GREB1: variants seen among roughly 807,000 people sequenced by gnomAD.
The protein encoded by GREB1 is growth regulating estrogen receptor binding 1, also known as protein GREB1.
GREB1 carries 106 observed loss-of-function variants against 200.7 expected under a neutral mutation model. The observed-to-expected ratio is 0.53, with a 90% CI of 0.45 to 0.62. The LOEUF is 0.62. Ranked by LOEUF, GREB1 falls within the 20% of genes least tolerant of loss-of-function variation. GREB1 has a pLI of 0.00. For missense variants in GREB1, 2,243 were observed against 2,556.8 expected, an observed-to-expected ratio of 0.88 and a Z score of 2.65; for synonymous variants, 1,132 against 1,092.4, an observed-to-expected ratio of 1.04 and a Z score of -0.72.
chr2:11,530,358 G>A (rs115177705), upstream of GREB1, among the ~76,000 whole-genome samples: 1,781 of 151,650 alleles, frequency 0.012, 19 homozygotes, highest in Middle Eastern at 0.027. Flanking sequence ...CAGTGCGCCC[G>A]GCCCTAGGTG....
chr2:11,592,714 C>T lies in GREB1; in HGVS notation c.1346-62C>T, dbSNP rs144263564. On this transcript the variant is annotated intron_variant, in intron 10 of 32. Coordinates refer to ENST00000381486, the MANE Select transcript of GREB1 (RefSeq NM_014668.4). ...AGGTGGGTACTTTCACATCACTGCACCCGTGCGTCCCCGGATGCCGCTGGC... is the reference window on the plus strand; with the variant it reads ...AGGTGGGTACTTTCACATCACTGCATCCGTGCGTCCCCGGATGCCGCTGGC... The T allele has an allele frequency of 2.0e-3, 2,218 of 1,106,584 alleles. 30 individuals carry two copies. The African/African-American group carries it at 0.032, about 16-fold the overall frequency. The allele number at this position is 1,106,584 out of a possible 1,614,324, so 68.5% of individuals were successfully genotyped here. A position where few individuals can be genotyped will look rare whatever the true frequency, so the allele number is the denominator to read the frequency against.
At chr2:11,564,380 G>T in intron 3 of GREB1, among the ~76,000 whole-genome samples, 1 of 152,222 alleles carries the variant, frequency 6.6e-6, no homozygotes, top group African/African-American at 2.4e-5. Context: ...GAATTAAATG[G>T]TAAGAGGTGA....
At chr2:11,605,490 T>G (rs994431596) in intron 17 of GREB1, among the ~76,000 whole-genome samples, 1 of 152,076 alleles carries the variant, frequency 6.6e-6, no homozygotes, top group African/African-American at 2.4e-5. Context: ...TCCCAAAGTG[T>G]TGGGATTACA....
At chr2:11,586,995 G>T (rs1410431752) in intron 9 of GREB1, among the ~76,000 whole-genome samples, 10 of 152,182 alleles carry the variant, frequency 6.6e-5, no homozygotes, top group Admixed American at 6.5e-5. Flanking sequence ...AGGGTGCAGG[G>T]CTTGGAGGTG....
chr2:11,634,001 G>T (rs980841153), intron 28 of GREB1, 130 bp from the exon 29 acceptor site: 11 of 822,272 alleles, frequency 1.3e-5, no homozygotes, highest in Middle Eastern at 3.0e-4. Context: ...GCCCTGGGGG[G>T]ACTGTGCGGG....
At chr2:11,631,099 TCCACCA>T (rs1174650920) in intron 26 of GREB1, among the ~76,000 whole-genome samples, 1 of 152,178 alleles carries the variant, frequency 6.6e-6, no homozygotes, top group East Asian at 1.9e-4. Context: ...CTGGGGTTTC[TCCACCA>T]CTCCACTCAC....
intron 23 of GREB1, among the ~76,000 whole-genome samples, chr2:11,621,402 A>G (rs1385443612): frequency 6.6e-6 from 1 of 152,214 alleles, no homozygotes; most frequent in Non-Finnish European, 1.5e-5. Flanking sequence ...GCCTCTGCAA[A>G]GCAGACTTAC....
At chr2:11,500,204 C>G (rs1288975603) in intron 1 of GREB1, among the ~76,000 whole-genome samples, 1 of 152,218 alleles carries the variant, frequency 6.6e-6, no homozygotes, top group African/African-American at 2.4e-5. Flanking sequence ...CGCTGTTGCC[C>G]AGGCTGGAGT....
intron 1 of GREB1, among the ~76,000 whole-genome samples, chr2:11,552,932 C>T (rs1355909410): frequency 6.8e-6 from 1 of 146,342 alleles, no homozygotes; most frequent in Non-Finnish European, 1.5e-5. Context: ...ATGGCGTGAA[C>T]CCGGGAGGCG....
chr2:11,531,960 T>G (rs1674089013), upstream of GREB1, among the ~76,000 whole-genome samples: 1 of 152,202 alleles, frequency 6.6e-6, no homozygotes, highest in Non-Finnish European at 1.5e-5. Context: ...ACAATTAGAT[T>G]AGGTGTTAAA....
At position 11,526,178 on chromosome 2, in the gene GREB1, G is replaced by A. The variant is rs968805159; in HGVS notation, c.-158-30279G>A. Among the ~76,000 whole-genome samples the A allele has an allele frequency of 4.3e-4, 66 of 152,260 alleles. 1 individual carries two copies. Among genetic ancestry groups the A allele is most frequent in the East Asian group, 4.3e-3 (22 of 5,172 alleles). Reference sequence around the variant, plus strand: ...TGAATGGTCTTAAACATTGTCCTTCGTTCTTCTGCACTCATCTTTGCCACA... The same window carrying A: ...TGAATGGTCTTAAACATTGTCCTTCATTCTTCTGCACTCATCTTTGCCACA... On this transcript the variant is annotated intron_variant, in intron 1 of 2. Coordinates refer to the GREB1 transcript ENST00000628795.
chr2:11,500,025 A>G (rs1672986488), intron 1 of GREB1, among the ~76,000 whole-genome samples: 1 of 152,002 alleles, frequency 6.6e-6, no homozygotes, highest in African/African-American at 2.4e-5. Context: ...TCTGTCACCC[A>G]GGCTGGAATG....
At chr2:11,537,119 C>T (rs772040802) in intron 1 of GREB1, among the ~76,000 whole-genome samples, 8 of 152,216 alleles carry the variant, frequency 5.3e-5, no homozygotes, top group East Asian at 1.9e-4. Context: ...CCCGCCACCG[C>T]GCCTGGCTGA....
In GREB1 at chr2:11,625,171, G is replaced by A. The variant is rs369098339; in HGVS notation, c.4165G>A (p.Asp1389Asn). 1 of 1,613,818 alleles carries A rather than the reference G, an allele frequency of 6.2e-7. No individual in the cohort carries two copies. The highest frequency in any genetic ancestry group is 8.5e-7 in the Non-Finnish European group (1 of 1,179,726). The change falls in exon 24 of 33, where the codon GAC becomes AAC. Residue 1389 changes from aspartate to asparagine, a missense_variant. Physicochemically the swap from Asp to Asn is conservative, Grantham distance 23 (BLOSUM62 1). Transcript: ENST00000381486. ...EININLREES[D>N]WHYLQLSDPW... ...TCTTGTAGACCTCAGAGAAGAATCT[G>A]ACTGGCATTATCTCCAGCTTAGCGA...
At chr2:11,585,715 T>C in intron 8 of GREB1, 47 bp from the exon 9 acceptor site, 1 of 1,607,902 alleles carries the variant, frequency 6.2e-7, no homozygotes, top group Non-Finnish European at 8.5e-7. Context: ...ATGTGAGAGG[T>C]GGATGCCTTG....
chr2:11,629,853 T>G lies in GREB1; in HGVS notation c.4450-95T>G. The G allele has an allele frequency of 5.2e-5, 64 of 1,237,802 alleles. No individual in the cohort carries two copies. The highest frequency in any genetic ancestry group is 6.9e-5 in the Non-Finnish European group (60 of 863,800). 76.7% of individuals were successfully genotyped at this position (1,237,802 alleles called of 1,614,324 possible). ...TTGTGCTGTAGGGAAGTGGTGACTG[T>G]GAGCTGCACGTTGTCACAGCAGAGT... On this transcript the variant is annotated intron_variant, in intron 25 of 32. Transcript: ENST00000381486. The surrounding 1 kb of genome is among the most constrained non-coding windows in gnomAD (Gnocchi z 5.2).
chr2:11,625,233 C>T lies in GREB1; in HGVS notation c.4227C>T (p.Pro1409=), dbSNP rs368065500. 6.2e-7 allele frequency: 1 copy of T among 1,614,038 alleles called. No homozygotes were observed. The highest frequency in any genetic ancestry group is 8.5e-7 in the Non-Finnish European group (1 of 1,179,898). ...WPDLELFKKL[P]FDYIIHDPKY... Reference sequence around the variant, plus strand: ...ACCTGGAGCTGTTCAAGAAGTTGCCCTTTGACTACATCATTCACGACCCGA... The same window carrying T: ...ACCTGGAGCTGTTCAAGAAGTTGCCTTTTGACTACATCATTCACGACCCGA... The change falls in exon 24 of 33, where the codon CCC becomes CCT. Residue 1409 remains proline, a synonymous_variant. Coordinates refer to ENST00000381486, the MANE Select transcript of GREB1 (RefSeq NM_014668.4).
intron 1 of GREB1, among the ~76,000 whole-genome samples, chr2:11,484,577 T>C (rs1161218776): frequency 9.4e-6 from 1 of 106,580 alleles, no homozygotes; most frequent in Non-Finnish European, 1.8e-5. Flanking sequence ...AGCGAGACTC[T>C]CATCTCTTAA....
chr2:11,585,134 C>A, intron 7 of GREB1, 27 bp from the exon 8 acceptor site: 1 of 1,308,172 alleles, frequency 7.6e-7, no homozygotes, highest in African/African-American at 1.5e-5. Flanking sequence ...TGGTGATAGC[C>A]TAATCCACAC....
Sources: gnomAD v4.1 joint callset for allele counts (sites outside exome capture counted in the v4.1 genomes callset) on GRCh38, gnomAD v4.1.1 for gene constraint, Gnocchi (gnomAD v3.1) non-coding constraint, MANE v1.5 for transcripts, NCBI Gene and HGNC (gene_info 2026-07-23, HGNC 2026-07-21) for gene names.